The following EVI5 variants were observed in gnomAD, a reference collection of about 807,000 sequenced individuals.
The protein encoded by EVI5 is ecotropic viral integration site 5 protein homolog.
Under a neutral mutation model 112.0 loss-of-function variants are expected in EVI5, and 73 were observed. The observed-to-expected ratio is 0.65, with a 90% CI of 0.54 to 0.79. EVI5 has a LOEUF of 0.79. Ranked by LOEUF, EVI5 falls within the 30% of genes least tolerant of loss-of-function variation. EVI5 has a pLI of 0.00. For synonymous variants in EVI5, 305 were observed against 319.9 expected (o/e 0.95, Z 0.50); for missense variants, 900 against 968.8 (o/e 0.93, Z 0.94).
At chr1:92,638,627 G>C (rs1156250607) in intron 13 of EVI5, among the ~76,000 whole-genome samples, 1 of 152,126 alleles carries the variant, frequency 6.6e-6, no homozygotes, top group Admixed American at 6.5e-5. Flanking sequence ...TATGACAGCA[G>C]CTAACATCTA....
At chr1:92,690,424 C>T (rs985852444) in intron 9 of EVI5, among the ~76,000 whole-genome samples, 2 of 150,872 alleles carry the variant, frequency 1.3e-5, no homozygotes, top group African/African-American at 4.9e-5. Context: ...TCACAGTTCA[C>T]TGCATCCTAG....
intron 18 of EVI5, among the ~76,000 whole-genome samples, chr1:92,571,894 G>C (rs1158639689): frequency 1.3e-5 from 2 of 152,152 alleles, no homozygotes; most frequent in Admixed American, 1.3e-4. Flanking sequence ...AATTAGGTAA[G>C]TAACAAACTT....
In EVI5 at chr1:92,665,992, T is replaced by A. The variant is rs201218934; in HGVS notation, c.1159A>T (p.Arg387Trp). Reference sequence around the variant, plus strand: ...AAAAGTCTATTTTCTGTGCGTAACCTCTGCCAAGAAAAAAAAAGTTTTATT... The same window carrying A: ...AAAAGTCTATTTTCTGTGCGTAACCACTGCCAAGAAAAAAAAAGTTTTATT... Reference protein sequence around the residue: ...KEMEEQVEIKRLRTENRLLKQ... With the variant: ...KEMEEQVEIKWLRTENRLLKQ... The change falls in exon 11 of 20, where the codon AGG becomes TGG. Residue 387 changes from arginine to tryptophan, a missense_variant and splice_region_variant. Coordinates refer to ENST00000684568, the MANE Select transcript of EVI5 (RefSeq NM_001350197.2). 40 of 1,588,612 alleles carry A rather than the reference T, an allele frequency of 2.5e-5. No homozygotes were observed. Among genetic ancestry groups the A allele is most frequent in the Non-Finnish European group, 3.2e-5 (38 of 1,170,588 alleles).
intron 19 of EVI5, among the ~76,000 whole-genome samples, chr1:92,534,586 T>C (rs545490499): frequency 6.6e-6 from 1 of 152,274 alleles, no homozygotes; most frequent in East Asian, 1.9e-4. Flanking sequence ...AACAGATATA[T>C]AGACCAATGG....
At chr1:92,625,196 T>C (rs1178446382) in intron 15 of EVI5, among the ~76,000 whole-genome samples, 1 of 152,194 alleles carries the variant, frequency 6.6e-6, no homozygotes, top group Admixed American at 6.5e-5. Flanking sequence ...AAGACAAGTT[T>C]TGTCTTTTTT....
chr1:92,518,982 TC>T, intron 19 of EVI5, among the ~76,000 whole-genome samples: 1 of 152,326 alleles, frequency 6.6e-6, no homozygotes, highest in Middle Eastern at 3.4e-3. Flanking sequence ...TTTAAGATAC[TC>T]ACTCAAACTA....
intron 19 of EVI5, among the ~76,000 whole-genome samples, chr1:92,535,667 C>T (rs889582195): frequency 1.5e-4 from 23 of 152,160 alleles, no homozygotes; most frequent in African/African-American, 5.1e-4. Flanking sequence ...AACAGAAAAA[C>T]CAAACACTGC....
At chr1:92,594,704 TCAAA>T (rs1313323059) in intron 18 of EVI5, among the ~76,000 whole-genome samples, 3 of 151,472 alleles carry the variant, frequency 2.0e-5, no homozygotes, top group African/African-American at 4.9e-5. Flanking sequence ...TACAATGAAC[TCAAA>T]CAAAGTTACA....
chr1:92,636,363 T>C (rs201176062), intron 13 of EVI5, 27 bp from the exon 14 acceptor site: 55 of 1,601,594 alleles, frequency 3.4e-5, no homozygotes, highest in Non-Finnish European at 4.3e-5. Context: ...TACACTGAAA[T>C]TTCATGAAAG....
chr1:92,640,217 T>C (rs906622143), intron 13 of EVI5, among the ~76,000 whole-genome samples: 28 of 152,176 alleles, frequency 1.8e-4, no homozygotes, highest in Non-Finnish European at 3.5e-4. Context: ...AGACTTCATG[T>C]CTAAAACACC....
At chr1:92,527,048 G>A (rs1661998511) in intron 19 of EVI5, among the ~76,000 whole-genome samples, 1 of 152,124 alleles carries the variant, frequency 6.6e-6, no homozygotes, top group Non-Finnish European at 1.5e-5. Flanking sequence ...GATGTTCAGT[G>A]TTTTTTTCCT....
At chr1:92,677,106 C>T in intron 10 of EVI5, 52 bp downstream of exon 10, 3 of 1,056,520 alleles carry the variant, frequency 2.8e-6, no homozygotes, top group Admixed American at 4.0e-5. Context: ...CATCTACTGT[C>T]CAATAATTGA....
intron 19 of EVI5, among the ~76,000 whole-genome samples, chr1:92,529,726 C>A (rs1662522358): frequency 1.3e-5 from 2 of 152,088 alleles, no homozygotes; most frequent in South Asian, 4.1e-4. Flanking sequence ...AAAATAAAAA[C>A]AAACAAGAAA....
intron 16 of EVI5, among the ~76,000 whole-genome samples, chr1:92,621,584 G>T (rs1366858157): frequency 2.6e-5 from 4 of 152,134 alleles, no homozygotes; most frequent in Non-Finnish European, 5.9e-5. Context: ...AAAATGTTGG[G>T]ATTACATGCG....
chr1:92,788,501 CAAA>C (rs200308636), upstream of EVI5, among the ~76,000 whole-genome samples: 10 of 144,610 alleles, frequency 6.9e-5, no homozygotes, highest in South Asian at 2.2e-4. Flanking sequence ...CAAAACAAAA[CAAA>C]AAAAAAACTA....
intron 18 of EVI5, among the ~76,000 whole-genome samples, chr1:92,569,225 T>C (rs547634096): frequency 3.3e-5 from 5 of 152,324 alleles, no homozygotes; most frequent in East Asian, 3.9e-4. Flanking sequence ...AGTGAACTGG[T>C]TGCCTAAGAG....
chr1:92,598,865 G>A (rs1056866034), intron 18 of EVI5, among the ~76,000 whole-genome samples: 9 of 152,034 alleles, frequency 5.9e-5, no homozygotes, highest in African/African-American at 1.2e-4. Flanking sequence ...TGTAAGACGC[G>A]AATACAAAGA....
At chr1:92,683,259 AC>A (rs1234717385) in intron 9 of EVI5, among the ~76,000 whole-genome samples, 1 of 152,188 alleles carries the variant, frequency 6.6e-6, no homozygotes, top group African/African-American at 2.4e-5. Flanking sequence ...CGCTGATGAT[AC>A]CCATGCAAAC....
intron 16 of EVI5, among the ~76,000 whole-genome samples, chr1:92,611,071 C>T (rs1167373654): frequency 1.3e-5 from 2 of 148,728 alleles, no homozygotes; most frequent in African/African-American, 5.0e-5. Context: ...ACAATGTGCA[C>T]ATGTACCCTA....
Sources: allele counts gnomAD v4.1 joint callset (sites outside exome capture counted in the v4.1 genomes callset), GRCh38; gene constraint gnomAD v4.1.1; transcripts MANE v1.5; gene names NCBI Gene and HGNC (gene_info 2026-07-23, HGNC 2026-07-21).